RNF130: variants seen among roughly 807,000 people sequenced by gnomAD.
RNF130 encodes the protein E3 ubiquitin-protein ligase RNF130.
RNF130 carries 21 observed loss-of-function variants against 44.6 expected under a neutral mutation model. The observed-to-expected ratio is 0.47, with a 90% CI of 0.33 to 0.68. RNF130 has a LOEUF of 0.68. Ranked by LOEUF, RNF130 falls within the 30% of genes least tolerant of loss-of-function variation. RNF130 has a pLI of 0.02. For missense variants in RNF130, 479 were observed against 560.6 expected (o/e 0.85, Z 1.47); for synonymous variants, 214 against 210.4 (o/e 1.02, Z -0.15).
chr5:180,025,552 C>T (rs796271207), intron 2 of RNF130, among the ~76,000 whole-genome samples: 7 of 152,092 alleles, frequency 4.6e-5, no homozygotes, highest in African/African-American at 1.7e-4. Flanking sequence ...GGAACCATTG[C>T]ATTTATTTTA....
At chr5:180,061,369 G>A (rs1267438720) in intron 1 of RNF130, among the ~76,000 whole-genome samples, 1 of 152,210 alleles carries the variant, frequency 6.6e-6, no homozygotes, top group Non-Finnish European at 1.5e-5. Flanking sequence ...AACCCTGCAT[G>A]CCTGTGTTCA....
At chr5:179,937,927 T>TGA (rs1444305110) in intron 7 of RNF130, among the ~76,000 whole-genome samples, 7 of 134,368 alleles carry the variant, frequency 5.2e-5, no homozygotes, top group African/African-American at 2.2e-4. Flanking sequence ...TGTGTGTGTG[T>TGA]GTGTGTGAGA....
chr5:179,936,920 G>A (rs755994710), intron 7 of RNF130, among the ~76,000 whole-genome samples: 14 of 152,132 alleles, frequency 9.2e-5, no homozygotes, highest in South Asian at 2.1e-4. Context: ...AAAAAATGGC[G>A]TTGGACCCTA....
chr5:180,014,612 C>T (rs148138793), intron 2 of RNF130, among the ~76,000 whole-genome samples: 100 of 152,272 alleles, frequency 6.6e-4, no homozygotes, highest in Middle Eastern at 6.8e-3. Flanking sequence ...TTTGGTTTTA[C>T]ATGTTTCATT....
chr5:179,914,305 G>A (rs573434011), exon 8 of RNF130: 1 of 152,378 alleles, frequency 6.6e-6, no homozygotes, highest in East Asian at 1.9e-4. Flanking sequence ...GACAGTGTGA[G>A]CCAATGTTGA....
intron 1 of RNF130, among the ~76,000 whole-genome samples, chr5:180,042,226 T>C (rs1169155701): frequency 6.6e-6 from 1 of 152,244 alleles, no homozygotes. Context: ...CATCTACCAT[T>C]CCCACTTAAA....
chr5:179,958,646 TC>T (rs2113695739), intron 8 of RNF130, among the ~76,000 whole-genome samples: 1 of 152,242 alleles, frequency 6.6e-6, no homozygotes, highest in South Asian at 2.1e-4. Flanking sequence ...TTTCAAAGTG[TC>T]CCGTGTTTTG....
chr5:180,056,360 T>G (rs34044107), intron 1 of RNF130, among the ~76,000 whole-genome samples: 27,455 of 151,982 alleles, frequency 0.18, 2,589 homozygotes, highest in Admixed American at 0.21. Context: ...CCTGTTACTA[T>G]AGAGAATGGG....
intron 1 of RNF130, among the ~76,000 whole-genome samples, chr5:180,062,531 T>G (rs1715199521): frequency 6.6e-6 from 1 of 152,180 alleles, no homozygotes. Context: ...CTACACCCTT[T>G]AAGTGGAATA....
chr5:180,057,235 G>A (rs1457678757), intron 1 of RNF130, among the ~76,000 whole-genome samples: 1 of 152,186 alleles, frequency 6.6e-6, no homozygotes, highest in Non-Finnish European at 1.5e-5. Context: ...CAATCCAATG[G>A]CCAATGACTT....
intron 1 of RNF130, among the ~76,000 whole-genome samples, chr5:180,054,302 G>A (rs4340879): frequency 0.58 from 87,454 of 151,922 alleles, 25,629 homozygotes; most frequent in South Asian, 0.74. Flanking sequence ...TGATACAATC[G>A]CTTTCTTCCC....
chr5:180,017,324 T>TTGG (rs1763764574), intron 2 of RNF130, among the ~76,000 whole-genome samples: 1 of 152,192 alleles, frequency 6.6e-6, no homozygotes, highest in African/African-American at 2.4e-5. Flanking sequence ...ACCTTTATTT[T>TTGG]TGGTGGCAAA....
intron 3 of RNF130, among the ~76,000 whole-genome samples, chr5:179,982,963 T>C (rs1762870919): frequency 6.6e-6 from 1 of 152,194 alleles, no homozygotes; most frequent in Admixed American, 6.5e-5. Flanking sequence ...ATGTGTACAT[T>C]GTCTGTGGTG....
At chr5:179,955,912 C>G (rs1762202440) in intron 8 of RNF130, 3 of 397,000 alleles carry the variant, frequency 7.6e-6, no homozygotes, top group Non-Finnish European at 1.4e-5. Context: ...AAAGGTCAGG[C>G]CCATGGCGTG....
At chr5:179,979,755 C>T (rs969957085) in intron 4 of RNF130, among the ~76,000 whole-genome samples, 1 of 152,166 alleles carries the variant, frequency 6.6e-6, no homozygotes. Context: ...AAGAGAGCAC[C>T]TTTTTAGGTG....
At chr5:179,968,941 T>C (rs1762519836) in intron 6 of RNF130, among the ~76,000 whole-genome samples, 1 of 152,166 alleles carries the variant, frequency 6.6e-6, no homozygotes, top group African/African-American at 2.4e-5. Context: ...AGAAATCCCA[T>C]CACTACTGAC....
At chr5:179,986,335 A>G (rs1443421998) in intron 3 of RNF130, among the ~76,000 whole-genome samples, 3 of 152,226 alleles carry the variant, frequency 2.0e-5, no homozygotes, top group Non-Finnish European at 4.4e-5. Context: ...GTACAAATCA[A>G]GCAATACAAC....
At chr5:180,050,870 C>G (rs936538038) in intron 1 of RNF130, among the ~76,000 whole-genome samples, 7 of 152,144 alleles carry the variant, frequency 4.6e-5, no homozygotes, top group African/African-American at 1.7e-4. Flanking sequence ...TGCAGTGGCA[C>G]AATCAGAGCT....
exon 8 of RNF130, chr5:179,919,727 G>C (rs32470): frequency 0.46 from 69,668 of 152,236 alleles, 16,571 homozygotes; most frequent in East Asian, 0.75. Context: ...CCACGGCCTG[G>C]GTCTCCCACG....
Sources: allele counts gnomAD v4.1 joint callset (sites outside exome capture counted in the v4.1 genomes callset), GRCh38; gene constraint gnomAD v4.1.1; transcripts MANE v1.5; gene names NCBI Gene and HGNC (gene_info 2026-07-23, HGNC 2026-07-21).